The following CELSR2 variants were observed in gnomAD, a reference collection of about 807,000 sequenced individuals.
CELSR2 encodes the protein EGF-like protein 2.
Under a neutral mutation model 251.6 loss-of-function variants are expected in CELSR2, and 81 were observed. The ratio of observed to expected loss-of-function variants is 0.32; its 90% CI spans 0.27 to 0.39. The LOEUF (loss-of-function observed/expected upper bound fraction) is 0.39, where lower values mean the gene tolerates loss of function less well. Among genes scored for constraint, CELSR2 ranks in the 10% least tolerant of loss-of-function variants. The pLI, the probability that CELSR2 is intolerant of heterozygous loss-of-function variation, is 1.00. For synonymous variants in CELSR2, 1,721 were observed against 1,670.5 expected (o/e 1.03, Z -0.74); for missense variants, 3,365 against 3,947.7 (o/e 0.85, Z 3.96).
chr1:109,250,974 A>G lies in CELSR2; in HGVS notation c.895A>G (p.Arg299Gly). The G allele has an allele frequency of 6.2e-7, 1 of 1,613,666 alleles. No homozygotes were observed. The highest frequency in any genetic ancestry group is 8.5e-7 in the Non-Finnish European group (1 of 1,180,000). Residue 299 changes from arginine (R) to glycine (G), a missense_variant, in exon 1 of 34, where the codon AGG becomes GGG. This residue lies in a region of CELSR2 where 704 missense variants were observed against 784.1 expected (regional missense o/e 0.90). Coordinates refer to ENST00000271332, the MANE Select transcript of CELSR2 (RefSeq NM_001408.3). This position sits in a 1 kb window ranked among gnomAD's most constrained non-coding sequence, Gnocchi z 4.4. ...FEQQEYKESL[R>G]ENLEVGYEVL... ...GCAGCAGGAGTACAAGGAGAGCCTC[A>G]GGGAGAACCTGGAGGTTGGCTATGA...
chr1:109,258,774 C>A lies in CELSR2; in HGVS notation c.3653C>A (p.Ala1218Asp), dbSNP rs141516643. 5.3e-5 allele frequency: 85 copies of A among 1,601,386 alleles called. No individual in the cohort carries two copies. Among genetic ancestry groups the A allele is most frequent in the Non-Finnish European group, 6.9e-5 (81 of 1,174,338 alleles). Residue 1218 changes from alanine (A) to aspartate (D), a missense_variant, in exon 2 of 34, where the codon GCC (alanine) becomes GAC (aspartate). By Grantham distance (126) the Ala-to-Asp change is moderately radical. Around this residue, in one of 5 missense-constraint regions of CELSR2, gnomAD observed 2,093 missense variants for 2,382.8 expected, o/e 0.88. Coordinates refer to ENST00000271332, the MANE Select transcript of CELSR2 (RefSeq NM_001408.3). ...TACCTCAACCGCAGCCTGCTGACGG[C>A]CATCTCGGCACAGCGCGTGCTGCCC... is the stretch of plus-strand genomic sequence containing the variant. ...RLYLNRSLLTAISAQRVLPFD... is the reference protein window; with the variant it reads ...RLYLNRSLLTDISAQRVLPFD...
At position 109,267,640 on chromosome 1, in the gene CELSR2, T is replaced by A; in HGVS notation, c.6106T>A (p.Phe2036Ile). ...CATCACCTTCTCAGAACTGAAGGGC[T>A]TCGTAAGTGAACCCCCTCATCTCCA... is the stretch of plus-strand genomic sequence containing the variant. The part of the protein sequence containing the change: ...TSITFSELKG[F>I]AERLQRNESG... Residue 2036 changes from phenylalanine to isoleucine, a missense_variant and splice_region_variant, in exon 16 of 34, where the codon TTC becomes ATC. Phe to Ile is a conservative substitution (Grantham distance 21). Around this residue, in one of 5 missense-constraint regions of CELSR2, gnomAD observed 2,093 missense variants for 2,382.8 expected, o/e 0.88. Transcript: ENST00000271332. The A allele has an allele frequency of 6.2e-7, 1 of 1,614,152 alleles. No homozygotes were observed. The highest frequency in any genetic ancestry group is 1.1e-5 in the South Asian group (1 of 91,084).
Position 109,266,222 on chromosome 1 carries a change from C to T in CELSR2, c.6013+16C>T, listed in dbSNP as rs763245024. The stretch of plus-strand genomic sequence containing the variant: ...GGCTCCTTTGGTAGGTGTTGGAGGC[C>T]CCGATGTGATGTCGAGGACATGGCC... On this transcript the variant is annotated intron_variant, in intron 15 of 33. Transcript: ENST00000271332. The T allele has an allele frequency of 1.4e-5, 23 of 1,613,300 alleles. No individual in the cohort carries two copies. Among genetic ancestry groups the T allele is most frequent in the Non-Finnish European group, 1.9e-5 (22 of 1,179,708 alleles).
chr1:109,273,686 TG>T lies in CELSR2; in HGVS notation c.8744+19del. The stretch of plus-strand genomic sequence containing the variant: ...CAGGCTCCGAGTGAGTGTGGCCGGG[TG>T]GGCGGGACGGGGTGCAGCCCCTCGG... On this transcript the variant is annotated intron_variant, in intron 33 of 33. Transcript: ENST00000271332. 4.0e-6 allele frequency: 2 copies of T among 503,296 alleles called. No individual in the cohort carries two copies. The highest frequency in any genetic ancestry group is 7.0e-6 in the Non-Finnish European group (2 of 287,060). The allele number at this position is 503,296 out of a possible 1,614,324, so 31.2% of individuals were successfully genotyped here.
Position 109,261,836 on chromosome 1 carries a change from C to T in CELSR2, c.4326C>T (p.Phe1442=), listed in dbSNP as rs371430121. The T allele has an allele frequency of 7.2e-5, 115 of 1,595,206 alleles. No individual in the cohort carries two copies. Among genetic ancestry groups the T allele is most frequent in the Non-Finnish European group, 9.0e-5 (105 of 1,169,452 alleles). Residue 1442 remains phenylalanine, a synonymous_variant, in exon 5 of 34, where the codon TTC becomes TTT. Coordinates refer to ENST00000271332, the MANE Select transcript of CELSR2 (RefSeq NM_001408.3). This position sits in a 1 kb window ranked among gnomAD's most constrained non-coding sequence, Gnocchi z 4.8. ...AGESTTTVSP[F]VPGGVSDGQW... is the part of the protein sequence containing the mutation. Reference sequence around the variant, plus strand: ...AGTCAACCACCACGGTGTCCCCATTCGTGCCCGGAGGAGTCAGTGATGGCC... The same window carrying T: ...AGTCAACCACCACGGTGTCCCCATTTGTGCCCGGAGGAGTCAGTGATGGCC...
At chr1:109,253,710 G>A (rs1163150320) in intron 1 of CELSR2, among the ~76,000 whole-genome samples, 16 of 152,222 alleles carry the variant, frequency 1.1e-4, no homozygotes, top group Admixed American at 9.8e-4. Context: ...AAAAAGGCGC[G>A]TGGAAGCCTG....
intron 1 of CELSR2, among the ~76,000 whole-genome samples, chr1:109,256,937 C>T (rs1009104182): frequency 5.9e-5 from 9 of 152,122 alleles, no homozygotes; most frequent in African/African-American, 2.2e-4. Context: ...GGACTACAGG[C>T]GTGAGCCACT....
At position 109,251,502 on chromosome 1, in the gene CELSR2, C is replaced by A; in HGVS notation, c.1423C>A (p.Arg475=). 1 of 1,613,734 alleles carries A rather than the reference C, an allele frequency of 6.2e-7. No homozygotes were observed. The change falls in exon 1 of 34, where the codon CGA becomes AGA. Residue 475 remains arginine (R), a synonymous_variant. Transcript: ENST00000271332. The surrounding 1 kb of genome is among the most constrained non-coding windows in gnomAD (Gnocchi z 4.9). The part of the protein sequence containing the change: ...ETTKEYTLRV[R]AQDGGRPPLS... ...GACCAAGGAGTACACCCTACGGGTG[C>A]GAGCACAGGATGGTGGCCGTCCCCC...
rs183119430 is a variant in CELSR2 at position 109,262,714 on chromosome 1, C to T, written c.4545-92C>T. 52 of 1,557,590 alleles carry T rather than the reference C, an allele frequency of 3.3e-5. No individual in the cohort carries two copies. In the East Asian group the frequency reaches 7.2e-4, roughly 22 times the overall value. On this transcript the variant is annotated intron_variant, in intron 6 of 33. Coordinates refer to ENST00000271332, the MANE Select transcript of CELSR2 (RefSeq NM_001408.3). ...GCAGGGCCTCTTGGACACCTGCCTA[C>T]GCCGTTCGTGTCTCTGGCCTGGCGG...
chr1:109,250,918 C>T lies in CELSR2; in HGVS notation c.839C>T (p.Thr280Ile), dbSNP rs144714113. ...CTGGCTACACTCACCATCTTGGTTACTGACACCAATGACCATGACCCTGTG... is the reference window on the plus strand; with the variant it reads ...CTGGCTACACTCACCATCTTGGTTATTGACACCAATGACCATGACCCTGTG... ...SALATLTILV[T>I]DTNDHDPVFE... The change falls in exon 1 of 34, where the codon ACT becomes ATT. Residue 280 changes from threonine to isoleucine, a missense_variant. Physicochemically the swap from Thr to Ile is moderately conservative, Grantham distance 89 (BLOSUM62 -1). Transcript: ENST00000271332. The surrounding 1 kb of genome is among the most constrained non-coding windows in gnomAD (Gnocchi z 4.4). 185 of 1,613,794 alleles carry T rather than the reference C, an allele frequency of 1.1e-4. No homozygotes were observed. The highest frequency in any genetic ancestry group is 2.2e-4 in the South Asian group (20 of 91,094).
chr1:109,258,973 C>T lies in CELSR2; in HGVS notation c.3852C>T (p.Tyr1284=), dbSNP rs762419246. ...GCCCGCCCGGCTTCACGGGTGACTA[C>T]TGCGAGACCGAGGTGGACCTCTGCT... is the stretch of plus-strand genomic sequence containing the variant. The part of the protein sequence containing the change: ...CRCPPGFTGD[Y]CETEVDLCYS... Residue 1284 remains tyrosine (Y), a synonymous_variant, in exon 2 of 34, where the codon TAC becomes TAT. Transcript: ENST00000271332. The T allele has an allele frequency of 3.7e-6, 6 of 1,610,050 alleles. No homozygotes were observed. The East Asian group carries it at 6.7e-5, about 18-fold the overall frequency.
intron 31 of CELSR2, 25 bp from the exon 32 acceptor site, chr1:109,273,141 C>T: frequency 6.2e-7 from 1 of 1,608,262 alleles, no homozygotes. Flanking sequence ...CTCTGTGGGC[C>T]TCATCTACTT....
In CELSR2 at chr1:109,273,959, C is replaced by T. The variant is rs1656452172; in HGVS notation, c.8745-63C>T. The T allele has an allele frequency of 1.9e-6, 3 of 1,588,542 alleles. No homozygotes were observed. The South Asian group carries it at 3.3e-5, about 18-fold the overall frequency. ...TTCGTCTGGTGAAAGCTTTCACTCT[C>T]TCCTCTGTTTCAACTAACCCTCTGT... On this transcript the variant is annotated intron_variant, in intron 33 of 33. Coordinates refer to ENST00000271332, the MANE Select transcript of CELSR2 (RefSeq NM_001408.3).
Position 109,267,612 on chromosome 1 carries a change from G to A in CELSR2, c.6078G>A (p.Thr2026=), listed in dbSNP as rs776833395. 1.2e-5 allele frequency: 20 copies of A among 1,614,044 alleles called. No homozygotes were observed. The highest frequency in any genetic ancestry group is 4.4e-5 in the South Asian group (4 of 91,092). Reference sequence around the variant, plus strand: ...TCCCCCCAAACCTCTTCAACTGCACGTCCATCACCTTCTCAGAACTGAAGG... The same window carrying A: ...TCCCCCCAAACCTCTTCAACTGCACATCCATCACCTTCTCAGAACTGAAGG... The part of the protein sequence containing the change: ...GWLPPNLFNC[T]SITFSELKGF... The change falls in exon 16 of 34, where the codon ACG becomes ACA. Residue 2026 remains threonine (T), a synonymous_variant. Coordinates refer to ENST00000271332, the MANE Select transcript of CELSR2 (RefSeq NM_001408.3).
rs762019206 is a variant in CELSR2, at chr1:109,265,188, C to T, written c.5607-3C>T. 1.1e-5 allele frequency: 18 copies of T among 1,594,680 alleles called. No homozygotes were observed. Among genetic ancestry groups the T allele is most frequent in the Non-Finnish European group, 1.5e-5 (17 of 1,169,506 alleles). On this transcript the variant is annotated splice_region_variant and splice_polypyrimidine_tract_variant and intron_variant, in intron 12 of 33. Coordinates refer to ENST00000271332, the MANE Select transcript of CELSR2 (RefSeq NM_001408.3). ...TCATGCCTACCTGGGTCCCTCTCTG[C>T]AGGATTGACCAGCCTTGTCCCCGTG...
intron 15 of CELSR2, among the ~76,000 whole-genome samples, chr1:109,266,911 C>T (rs758782091): frequency 2.0e-5 from 3 of 151,332 alleles, no homozygotes; most frequent in Non-Finnish European, 4.4e-5. Flanking sequence ...TTAGTAGAGA[C>T]AGGGTTTCAC....
Position 109,268,668 on chromosome 1 carries a change from T to C in CELSR2, c.6406T>C (p.Trp2136Arg), listed in dbSNP as rs571975275. Residue 2136 changes from tryptophan (W) to arginine (R), a missense_variant, in exon 18 of 34, where the codon TGG becomes CGG. This residue lies in a region of CELSR2 where 2,093 missense variants were observed against 2,382.8 expected (regional missense o/e 0.88). Coordinates refer to ENST00000271332, the MANE Select transcript of CELSR2 (RefSeq NM_001408.3). The stretch of plus-strand genomic sequence containing the variant: ...CCAGCAGACAGAGGGTGGCACCGCC[T>C]GGCTGCTCCAGCACTATGAGGCCTA... ...LIQQTEGGTA[W>R]LLQHYEAYAS... 8.1e-5 allele frequency: 131 copies of C among 1,614,082 alleles called. 1 individual carries two copies. The South Asian group carries it at 1.2e-3, about 14-fold the overall frequency.
Position 109,251,836 on chromosome 1 carries a change from G to A in CELSR2, c.1757G>A (p.Gly586Asp). ...TTTGGGGTAGAAGCTCGAGACCATG[G>A]CACTCCAGCACTCACTGCCTCGGCC... ...YSFGVEARDHGTPALTASASV... is the reference protein window; with the variant it reads ...YSFGVEARDHDTPALTASASV... The change falls in exon 1 of 34, where the codon GGC becomes GAC. Residue 586 changes from glycine (G) to aspartate (D), a missense_variant. Gly to Asp is a moderately conservative substitution (Grantham distance 94, BLOSUM62 -1). Around this residue, in one of 5 missense-constraint regions of CELSR2, gnomAD observed 704 missense variants for 784.1 expected, o/e 0.90. Coordinates refer to ENST00000271332, the MANE Select transcript of CELSR2 (RefSeq NM_001408.3). This position sits in a 1 kb window ranked among gnomAD's most constrained non-coding sequence, Gnocchi z 4.9. 1 of 1,614,098 alleles carries A rather than the reference G, an allele frequency of 6.2e-7. No individual in the cohort carries two copies. Among genetic ancestry groups the A allele is most frequent in the Non-Finnish European group, 8.5e-7 (1 of 1,180,006 alleles).
chr1:109,264,401 C>A (rs1340818362), intron 10 of CELSR2, 36 bp downstream of exon 10: 5 of 1,597,514 alleles, frequency 3.1e-6, no homozygotes, highest in African/African-American at 2.7e-5. Flanking sequence ...TCCCCTCCCC[C>A]ACCACCTGCA....
Sources: allele counts gnomAD v4.1 joint callset (sites outside exome capture counted in the v4.1 genomes callset), GRCh38; gene constraint gnomAD v4.1.1; regional missense constraint gnomAD v4.1.1; non-coding constraint Gnocchi (gnomAD v3.1); transcripts MANE v1.5; gene names NCBI Gene and HGNC (gene_info 2026-07-23, HGNC 2026-07-21).